VEPH1: variants seen among roughly 807,000 people sequenced by gnomAD.
VEPH1 encodes the protein ventricular zone expressed PH domain containing 1.
A neutral mutation model predicts 85.2 loss-of-function variants in VEPH1; 80 were observed. That is an observed-to-expected ratio of 0.94 (90% CI 0.78 to 1.13). The LOEUF is 1.13. VEPH1 is among the 50% of genes most tolerant of loss of function. The pLI is 0.00. For synonymous variants in VEPH1, 297 were observed against 348.0 expected (o/e 0.85, Z 1.63); for missense variants, 955 against 980.5 (o/e 0.97, Z 0.35).
At chr3:157,286,512 A>G in intron 12 of VEPH1, 45 bp downstream of exon 12, 1 of 1,510,926 alleles carries the variant, frequency 6.6e-7, no homozygotes, top group South Asian at 1.1e-5. Context: ...GATCCCTGTA[A>G]TTTGGGGCAC....
At chr3:157,467,662 C>T (rs751297711) in intron 3 of VEPH1, among the ~76,000 whole-genome samples, 2 of 152,232 alleles carry the variant, frequency 1.3e-5, no homozygotes, top group Non-Finnish European at 2.9e-5. Flanking sequence ...TGCCTTTAGG[C>T]CTTCAGGCTT....
chr3:157,434,351 G>A (rs529847132), intron 4 of VEPH1, among the ~76,000 whole-genome samples: 31 of 151,148 alleles, frequency 2.1e-4, no homozygotes, highest in African/African-American at 6.3e-4. Context: ...TCTTTCTGTC[G>A]CCCAGGCTGG....
intron 1 of VEPH1, chr3:157,499,550 A>G (rs1739943224): frequency 6.6e-6 from 1 of 152,150 alleles, no homozygotes; most frequent in South Asian, 2.1e-4. Context: ...GCCGGGTGGA[A>G]GAATTCAAGG....
intron 6 of VEPH1, among the ~76,000 whole-genome samples, chr3:157,388,677 C>G (rs1229961947): frequency 6.6e-6 from 1 of 151,876 alleles, no homozygotes. Context: ...ACAAATACAA[C>G]CAATTGCAGG....
Position 157,446,737 on chromosome 3 carries a change from T to C in VEPH1, c.529+13444A>G, listed in dbSNP as rs112963530. On this transcript the variant is annotated intron_variant, in intron 4 of 13. Transcript: ENST00000362010. Reference sequence around the variant, plus strand: ...TAAGGTAATTGTATATGTTCATTGATGTATTCTTGGATTCAGTGAACATGA... The same window carrying C: ...TAAGGTAATTGTATATGTTCATTGACGTATTCTTGGATTCAGTGAACATGA... Among the ~76,000 whole-genome samples, 617 of 152,344 alleles carry C rather than the reference T, an allele frequency of 4.1e-3. 3 individuals carry two copies. Among genetic ancestry groups the C allele is most frequent in the African/African-American group, 0.014 (591 of 41,580 alleles).
At chr3:157,361,131 T>C (rs532750124) in intron 9 of VEPH1, among the ~76,000 whole-genome samples, 2 of 152,318 alleles carry the variant, frequency 1.3e-5, no homozygotes, top group East Asian at 1.9e-4. Context: ...AAGTAGGCAA[T>C]TGTAAAGTGT....
chr3:157,437,440 A>T, intron 4 of VEPH1: 1 of 1,533,218 alleles, frequency 6.5e-7, no homozygotes, highest in Non-Finnish European at 8.8e-7. Context: ...CCACCGAGGG[A>T]GGTCAGCTTT....
At chr3:157,435,775 G>A (rs1407404462) in intron 4 of VEPH1, among the ~76,000 whole-genome samples, 1 of 152,128 alleles carries the variant, frequency 6.6e-6, no homozygotes, top group East Asian at 1.9e-4. Context: ...TTAATATCAT[G>A]TGAACACAGA....
intron 11 of VEPH1, among the ~76,000 whole-genome samples, chr3:157,303,182 G>C (rs759732291): frequency 1.1e-4 from 16 of 151,902 alleles, no homozygotes; most frequent in Non-Finnish European, 2.1e-4. Flanking sequence ...TTTGTTTCAA[G>C]GCCTTTGTGC....
At chr3:157,469,281 GA>G (rs1405301409) in intron 3 of VEPH1, among the ~76,000 whole-genome samples, 1 of 152,196 alleles carries the variant, frequency 6.6e-6, no homozygotes, top group Non-Finnish European at 1.5e-5. Context: ...AGACTGAGCA[GA>G]CAAGGTAAAA....
intron 7 of VEPH1, among the ~76,000 whole-genome samples, chr3:157,368,177 A>C (rs1280844708): frequency 6.6e-6 from 1 of 152,210 alleles, no homozygotes; most frequent in Non-Finnish European, 1.5e-5. Context: ...AGCAGTCATC[A>C]CATGTTAGAT....
chr3:157,295,976 T>C (rs994690266), intron 11 of VEPH1, among the ~76,000 whole-genome samples: 1 of 152,124 alleles, frequency 6.6e-6, no homozygotes, highest in Non-Finnish European at 1.5e-5. Context: ...AATAAATAAA[T>C]AAATTATGGT....
At chr3:157,348,068 C>T (rs1724440492) in intron 9 of VEPH1, among the ~76,000 whole-genome samples, 1 of 152,158 alleles carries the variant, frequency 6.6e-6, no homozygotes, top group Non-Finnish European at 1.5e-5. Context: ...GCTGGGGATT[C>T]GCTGTGATTC....
chr3:157,414,205 A>C (rs1731730834), intron 5 of VEPH1, 115 bp from the exon 6 acceptor site: 1 of 713,724 alleles, frequency 1.4e-6, no homozygotes, highest in Non-Finnish European at 2.3e-6. Flanking sequence ...AACTCAACAC[A>C]TTCTGGGATT....
chr3:157,481,755 T>G (rs1738118670), intron 2 of VEPH1, among the ~76,000 whole-genome samples: 1 of 152,204 alleles, frequency 6.6e-6, no homozygotes, highest in South Asian at 2.1e-4. Flanking sequence ...ATTTAAATCT[T>G]TAATCCACCT....
intron 12 of VEPH1, among the ~76,000 whole-genome samples, chr3:157,275,560 G>A (rs1029868825): frequency 4.6e-5 from 7 of 151,134 alleles, no homozygotes; most frequent in African/African-American, 1.7e-4. Flanking sequence ...TGGTGGCACA[G>A]GGACACTCCA....
chr3:157,437,667 C>T (rs987914694), intron 4 of VEPH1: 1 of 1,539,640 alleles, frequency 6.5e-7, no homozygotes. Context: ...TGGGCCGGCT[C>T]GCGGAAAGCC....
chr3:157,374,926 T>C (rs1371039284), intron 7 of VEPH1, among the ~76,000 whole-genome samples: 1 of 152,234 alleles, frequency 6.6e-6, no homozygotes, highest in African/African-American at 2.4e-5. Flanking sequence ...CTTATCCACA[T>C]TGAAATTTGA....
At chr3:157,282,767 C>T (rs2108352739) in intron 12 of VEPH1, among the ~76,000 whole-genome samples, 1 of 152,316 alleles carries the variant, frequency 6.6e-6, no homozygotes, top group South Asian at 2.1e-4. Context: ...AATTCCAAGA[C>T]ACAAGGGCAA....
Sources: gnomAD v4.1 joint callset for allele counts (sites outside exome capture counted in the v4.1 genomes callset) on GRCh38, gnomAD v4.1.1 for gene constraint, MANE v1.5 for transcripts, NCBI Gene and HGNC (gene_info 2026-07-23, HGNC 2026-07-21) for gene names.